The following DAB2 variants were observed in gnomAD, a reference collection of about 807,000 sequenced individuals.
DAB2 encodes the protein DAB adaptor protein 2, also known as disabled homolog 2.
Under a neutral mutation model 71.6 loss-of-function variants are expected in DAB2, and 28 were observed. That is an observed-to-expected ratio of 0.39 (90% CI 0.29 to 0.54). DAB2 has a LOEUF of 0.54. Among genes scored for constraint, DAB2 ranks in the 20% least tolerant of loss-of-function variants. The pLI, the probability that DAB2 is intolerant of heterozygous loss-of-function variation, is 0.68. For missense variants in DAB2, 867 were observed against 928.8 expected (o/e 0.93, Z 0.86); for synonymous variants, 345 against 339.7 (o/e 1.02, Z -0.17).
intron 1 of DAB2, among the ~76,000 whole-genome samples, chr5:39,402,917 T>C (rs915573233): frequency 6.6e-6 from 1 of 152,214 alleles, no homozygotes; most frequent in Non-Finnish European, 1.5e-5. Context: ...CCTACGTCAT[T>C]ATCACGGACA....
chr5:39,404,077 C>T (rs1289058011), intron 1 of DAB2, among the ~76,000 whole-genome samples: 1 of 151,936 alleles, frequency 6.6e-6, no homozygotes, highest in Non-Finnish European at 1.5e-5. Flanking sequence ...AATAGTGCCA[C>T]AATAAACATA....
chr5:39,417,258 G>C (rs1178986081), intron 1 of DAB2: 2 of 151,466 alleles, frequency 1.3e-5, no homozygotes, highest in East Asian at 3.9e-4. Flanking sequence ...TAACAAAACT[G>C]CATGTTCTCC....
At chr5:39,405,659 T>G (rs1755593340) in intron 1 of DAB2, among the ~76,000 whole-genome samples, 1 of 152,226 alleles carries the variant, frequency 6.6e-6, no homozygotes. Context: ...AACGTAGCTT[T>G]TGCAGAGCTC....
At position 39,424,805 on chromosome 5, in the gene DAB2, G is replaced by T. The variant is rs1052645253; in HGVS notation, c.-103C>A. 2.6e-5 allele frequency: 4 copies of T among 152,354 alleles called. No homozygotes were observed. Among genetic ancestry groups the T allele is most frequent in the African/African-American group, 9.7e-5 (4 of 41,318 alleles). The allele number at this position is 152,354 out of a possible 1,614,324, so 9.4% of individuals were successfully genotyped here. A position where few individuals can be genotyped will look rare whatever the true frequency, so the allele number is the denominator to read the frequency against. On this transcript the variant is annotated splice_region_variant and 5_prime_UTR_variant, in exon 1 of 15. Coordinates refer to ENST00000320816, the MANE Select transcript of DAB2 (RefSeq NM_001343.4). Reference sequence around the variant, plus strand: ...AAGAAGGGTTTCGAAGCTACTCACCGGCTAGCTATTGCCTCCGTGAAGCGA... The same window carrying T: ...AAGAAGGGTTTCGAAGCTACTCACCTGCTAGCTATTGCCTCCGTGAAGCGA...
intron 11 of DAB2, among the ~76,000 whole-genome samples, chr5:39,380,276 G>C (rs1292196234): frequency 6.6e-6 from 1 of 152,186 alleles, no homozygotes; most frequent in Non-Finnish European, 1.5e-5. Context: ...CCACTCAGCA[G>C]TTGAGTAACA....
rs145786157 is a variant in DAB2, at chr5:39,389,008, C to T, written c.570+89G>A. 458 of 1,347,922 alleles carry T rather than the reference C, an allele frequency of 3.4e-4. No individual in the cohort carries two copies. In the East Asian group the frequency reaches 9.2e-3, roughly 27 times the overall value. 83.5% of individuals were successfully genotyped at this position (1,347,922 alleles called of 1,614,324 possible). ...GAAGTCATAAACACATAGTAATAAGCGAGGTGGCGAGAGTGGTTGGGCAGG... is the reference window on the plus strand; with the variant it reads ...GAAGTCATAAACACATAGTAATAAGTGAGGTGGCGAGAGTGGTTGGGCAGG... On this transcript the variant is annotated intron_variant, in intron 7 of 14. Coordinates refer to ENST00000320816, the MANE Select transcript of DAB2 (RefSeq NM_001343.4).
intron 9 of DAB2, among the ~76,000 whole-genome samples, chr5:39,387,526 T>C (rs1430035633): frequency 6.6e-6 from 1 of 152,166 alleles, no homozygotes; most frequent in Non-Finnish European, 1.5e-5. Context: ...TGCATCTTAC[T>C]GCTATGCCTT....
intron 1 of DAB2, among the ~76,000 whole-genome samples, chr5:39,412,768 G>A (rs114101748): frequency 0.016 from 2,490 of 152,218 alleles, 36 homozygotes; most frequent in Non-Finnish European, 0.024. Context: ...CAGGAGAGGA[G>A]GCTGAAGCAC....
intron 1 of DAB2, chr5:39,424,024 G>A (rs1756046703): frequency 6.6e-6 from 1 of 152,188 alleles, no homozygotes; most frequent in Non-Finnish European, 1.5e-5. Flanking sequence ...CTGCGGACCA[G>A]AATTCCAGGC....
Position 39,375,030 on chromosome 5 carries a change from G to A in DAB2, c.2302C>T (p.Pro768Ser). 1 of 1,610,724 alleles carries A rather than the reference G, an allele frequency of 6.2e-7. No individual in the cohort carries two copies. Among genetic ancestry groups the A allele is most frequent in the Non-Finnish European group, 8.5e-7 (1 of 1,177,830 alleles). The change falls in exon 14 of 15, where the codon CCT becomes TCT. Residue 768 changes from proline (P) to serine (S), a missense_variant. Physicochemically the swap from Pro to Ser is moderately conservative, Grantham distance 74 (BLOSUM62 -1). Around this residue, in one of 2 missense-constraint regions of DAB2, gnomAD observed 740 missense variants for 734.3 expected, o/e 1.01. Coordinates refer to ENST00000320816, the MANE Select transcript of DAB2 (RefSeq NM_001343.4). ...SEMYRDPFGN[P>S]FA ...TCTACTTACAGAATTTAGGCAAAAG[G>A]ATTTCCAAATGGATCCCTATACATC...
chr5:39,395,780 C>T (rs1297242108), intron 1 of DAB2, among the ~76,000 whole-genome samples: 1 of 152,080 alleles, frequency 6.6e-6, no homozygotes, highest in Non-Finnish European at 1.5e-5. Flanking sequence ...AAGTCTTACA[C>T]AGTAGGAGAC....
intron 1 of DAB2, among the ~76,000 whole-genome samples, chr5:39,413,796 G>A (rs1755784832): frequency 6.6e-6 from 1 of 152,164 alleles, no homozygotes; most frequent in Non-Finnish European, 1.5e-5. Flanking sequence ...TTAAAGATGT[G>A]CTAATTTGGT....
rs915112129 is a variant in DAB2, at chr5:39,392,447, C to A, written c.248G>T (p.Gly83Val). Residue 83 changes from glycine to valine, a missense_variant, in exon 4 of 15, where the codon GGT (glycine) becomes GTT (valine). Gly to Val is a moderately radical substitution (Grantham distance 109). Around this residue, in one of 2 missense-constraint regions of DAB2, gnomAD observed 127 missense variants for 194.4 expected, o/e 0.65. Transcript: ENST00000320816. ...TTGTTTGTGTTGTCCCTGAGACCGA[C>A]CAGCTGCCGCCATTCCCTGATGAGG... ...MMKLKGMAAA[G>V]RSQGQHKQRI... is the part of the protein sequence containing the mutation. The A allele has an allele frequency of 1.2e-6, 2 of 1,613,480 alleles. No homozygotes were observed. The highest frequency in any genetic ancestry group is 2.7e-5 in the African/African-American group (2 of 74,898).
chr5:39,417,332 T>A (rs1755871514), intron 1 of DAB2: 1 of 151,942 alleles, frequency 6.6e-6, no homozygotes, highest in Non-Finnish European at 1.5e-5. Context: ...TATCCTGACA[T>A]CCATGGCTCA....
intron 3 of DAB2, among the ~76,000 whole-genome samples, chr5:39,392,887 A>G (rs1040373609): frequency 6.6e-6 from 1 of 152,222 alleles, no homozygotes; most frequent in East Asian, 1.9e-4. Flanking sequence ...TTTTATCAGA[A>G]CAATTCCCAG....
In DAB2 at chr5:39,392,660, G is replaced by C. The variant is rs371805582; in HGVS notation, c.232-197C>G. Among the ~76,000 whole-genome samples the C allele has an allele frequency of 8.5e-5, 13 of 152,258 alleles. No individual in the cohort carries two copies. The East Asian group carries it at 1.9e-3, about 23-fold the overall frequency. The stretch of plus-strand genomic sequence containing the variant: ...CAGGGCATCCCTTAGTTAGCTGTGC[G>C]AACTCGGACAAGTCACTCTAATTCT... On this transcript the variant is annotated intron_variant, in intron 3 of 14. Transcript: ENST00000320816.
chr5:39,381,479 G>C lies in DAB2; in HGVS notation c.1479C>G (p.Ala493=). Reference sequence around the variant, plus strand: ...CTAGACCCACCAGGGGCCCCACTGGGGCAGGAGCACTTGTTTTGAAGAGAT... The same window carrying C: ...CTAGACCCACCAGGGGCCCCACTGGCGCAGGAGCACTTGTTTTGAAGAGAT... ...PLDLFKTSAP[A]PVGPLVGLGG... The change falls in exon 11 of 15, where the codon GCC becomes GCG. Residue 493 remains alanine, a synonymous_variant. Transcript: ENST00000320816. The C allele has an allele frequency of 1.2e-6, 2 of 1,614,012 alleles. No homozygotes were observed. Among genetic ancestry groups the C allele is most frequent in the South Asian group, 2.2e-5 (2 of 91,066 alleles).
intron 2 of DAB2, 143 bp from the exon 3 acceptor site, chr5:39,393,536 C>A: frequency 1.1e-6 from 1 of 871,490 alleles, no homozygotes. Context: ...CTGTCTTATT[C>A]TTACTTCCTT....
rs769846772 is a variant in DAB2, at chr5:39,376,877, A to G, written c.1910T>C (p.Phe637Ser). The change falls in exon 12 of 15, where the codon TTC becomes TCC. Residue 637 changes from phenylalanine (F) to serine (S), a missense_variant. Physicochemically the swap from Phe to Ser is radical, Grantham distance 155 (BLOSUM62 -2). Coordinates refer to ENST00000320816, the MANE Select transcript of DAB2 (RefSeq NM_001343.4). ...GPPKDISSDAFTALDPLGDKE... is the reference protein window; with the variant it reads ...GPPKDISSDASTALDPLGDKE... ...ATCCCCAAGTGGGTCTAAGGCAGTG[A>G]AGGCATCACTGGAGATGTCCTTGGG... The G allele has an allele frequency of 6.2e-7, 1 of 1,614,012 alleles. No individual in the cohort carries two copies. The highest frequency in any genetic ancestry group is 1.3e-5 in the African/African-American group (1 of 74,914).
Sources: gnomAD v4.1 joint callset for allele counts (sites outside exome capture counted in the v4.1 genomes callset) on GRCh38, gnomAD v4.1.1 for gene constraint, gnomAD v4.1.1 regional missense constraint, MANE v1.5 for transcripts, NCBI Gene and HGNC (gene_info 2026-07-23, HGNC 2026-07-21) for gene names.